Variants in KCNIP4 observed in about 807,000 individuals in gnomAD.
The protein encoded by KCNIP4 is Kv channel-interacting protein 4.
KCNIP4 carries 12 observed loss-of-function variants against 34.0 expected under a neutral mutation model. The observed-to-expected ratio is 0.35, with a 90% CI of 0.23 to 0.57. KCNIP4 has a LOEUF of 0.57. Among genes scored for constraint, KCNIP4 ranks in the 20% least tolerant of loss-of-function variants. The pLI, the probability that KCNIP4 is intolerant of heterozygous loss-of-function variation, is 0.83. For synonymous variants in KCNIP4, 124 were observed against 102.2 expected, an observed-to-expected ratio of 1.21 and a Z score of -1.29; for missense variants, 238 against 311.7, an observed-to-expected ratio of 0.76 and a Z score of 1.78.
intron 1 of KCNIP4, among the ~76,000 whole-genome samples, chr4:21,204,625 T>C (rs1756718019): frequency 6.6e-6 from 1 of 152,206 alleles, no homozygotes; most frequent in Non-Finnish European, 1.5e-5. Context: ...AAAAATAATT[T>C]AAATTCAACC....
At chr4:21,259,026 A>T (rs747000956) in intron 1 of KCNIP4, among the ~76,000 whole-genome samples, 1 of 152,150 alleles carries the variant, frequency 6.6e-6, no homozygotes, top group Non-Finnish European at 1.5e-5. Flanking sequence ...TGAAGGACTT[A>T]CTATTTTTCG....
chr4:21,347,973 C>A (rs1388581885), intron 1 of KCNIP4, among the ~76,000 whole-genome samples: 1 of 152,180 alleles, frequency 6.6e-6, no homozygotes, highest in African/African-American at 2.4e-5. Context: ...GTGATGTAGA[C>A]TTAGGAGTCA....
intron 1 of KCNIP4, among the ~76,000 whole-genome samples, chr4:21,086,759 T>C (rs1163119117): frequency 6.6e-6 from 1 of 152,172 alleles, no homozygotes; most frequent in Non-Finnish European, 1.5e-5. Flanking sequence ...TAAGCTCTTT[T>C]TTCGATTCCT....
rs77572430 is a variant in KCNIP4 at position 20,787,644 on chromosome 4, T to C, written c.289-28754A>G. On this transcript the variant is annotated intron_variant, in intron 3 of 8. Coordinates refer to ENST00000382152, the MANE Select transcript of KCNIP4 (RefSeq NM_025221.6). ...ATTAATTTGCTCCTCAAATTCTAAT[T>C]CTTATTCAATCAATAACCATTGTTC... is the stretch of plus-strand genomic sequence containing the variant. Among the ~76,000 whole-genome samples, 469 of 152,250 alleles carry C rather than the reference T, an allele frequency of 3.1e-3. 4 individuals carry two copies. Among genetic ancestry groups the C allele is most frequent in the African/African-American group, 0.011 (454 of 41,578 alleles).
chr4:21,387,041 G>C (rs2132274), intron 1 of KCNIP4, among the ~76,000 whole-genome samples: 81,280 of 151,992 alleles, frequency 0.53, 23,017 homozygotes, highest in Non-Finnish European at 0.62. Context: ...ACTGCATTTT[G>C]GAGGCAATGG....
chr4:21,593,195 G>A (rs1577658382), intron 1 of KCNIP4, among the ~76,000 whole-genome samples: 1 of 151,478 alleles, frequency 6.6e-6, no homozygotes, highest in East Asian at 1.9e-4. Flanking sequence ...TAGATACCAG[G>A]GCAAGGAGCA....
At chr4:21,247,073 G>C (rs1760260071) in intron 1 of KCNIP4, among the ~76,000 whole-genome samples, 2 of 152,104 alleles carry the variant, frequency 1.3e-5, no homozygotes, top group South Asian at 4.1e-4. Context: ...GCAAAGTTAA[G>C]ATTAAAATAG....
At chr4:21,713,209 T>C (rs1379745838) in intron 1 of KCNIP4, among the ~76,000 whole-genome samples, 1 of 152,204 alleles carries the variant, frequency 6.6e-6, no homozygotes, top group Non-Finnish European at 1.5e-5. Flanking sequence ...TTAAACACAT[T>C]GGAAATTCTT....
chr4:21,085,147 G>A (rs1297684608), intron 1 of KCNIP4, among the ~76,000 whole-genome samples: 3 of 152,050 alleles, frequency 2.0e-5, no homozygotes, highest in African/African-American at 7.2e-5. Flanking sequence ...TGGGATCTTT[G>A]GGAGGTAATT....
chr4:21,122,264 C>T (rs1414015777), intron 1 of KCNIP4, among the ~76,000 whole-genome samples: 1 of 149,910 alleles, frequency 6.7e-6, no homozygotes, highest in Non-Finnish European at 1.5e-5. Context: ...GGAATCATTT[C>T]TCAACCAAAA....
intron 1 of KCNIP4, among the ~76,000 whole-genome samples, chr4:21,396,823 A>G (rs77546087): frequency 6.6e-6 from 1 of 152,184 alleles, no homozygotes; most frequent in African/African-American, 2.4e-5. Flanking sequence ...AGAAGGCTAG[A>G]AAACAGATTC....
chr4:21,801,254 G>A (rs536541928), intron 1 of KCNIP4, among the ~76,000 whole-genome samples: 4 of 152,178 alleles, frequency 2.6e-5, no homozygotes, highest in Admixed American at 1.3e-4. Context: ...TGTTAAAATC[G>A]TCAAGGAATA....
At chr4:20,884,299 C>T (rs1180632150) in intron 1 of KCNIP4, among the ~76,000 whole-genome samples, 3 of 152,068 alleles carry the variant, frequency 2.0e-5, no homozygotes, top group Non-Finnish European at 4.4e-5. Flanking sequence ...CTGGTGGTTT[C>T]CTGCACCTAT....
intron 1 of KCNIP4, among the ~76,000 whole-genome samples, chr4:21,765,813 G>A (rs1000058254): frequency 3.6e-5 from 4 of 110,410 alleles, no homozygotes; most frequent in African/African-American, 1.8e-4. Flanking sequence ...CTTAGCACCA[G>A]GCCGTGAAAA....
intron 1 of KCNIP4, among the ~76,000 whole-genome samples, chr4:21,073,234 G>T (rs1745145787): frequency 6.6e-6 from 1 of 152,054 alleles, no homozygotes; most frequent in African/African-American, 2.4e-5. Flanking sequence ...AATTACCTTG[G>T]GCAGTATGGC....
intron 1 of KCNIP4, among the ~76,000 whole-genome samples, chr4:21,627,685 T>C (rs909202381): frequency 5.9e-5 from 9 of 152,098 alleles, no homozygotes; most frequent in Admixed American, 1.3e-4. Context: ...ATAAAAAGAA[T>C]TGTGGTTTCT....
chr4:21,261,520 A>T (rs1160877667), intron 1 of KCNIP4, among the ~76,000 whole-genome samples: 1 of 152,212 alleles, frequency 6.6e-6, no homozygotes, highest in Non-Finnish European at 1.5e-5. Context: ...CCTAGATTCA[A>T]CACAGCATTG....
At chr4:21,787,236 C>A (rs955449275) in intron 1 of KCNIP4, among the ~76,000 whole-genome samples, 1 of 152,276 alleles carries the variant, frequency 6.6e-6, no homozygotes, top group Admixed American at 6.5e-5. Flanking sequence ...GTTTAGGCTT[C>A]GATTCCATTC....
chr4:20,777,513 C>T (rs1480502068), intron 3 of KCNIP4, among the ~76,000 whole-genome samples: 5 of 152,118 alleles, frequency 3.3e-5, no homozygotes, highest in Non-Finnish European at 7.3e-5. Context: ...GTGCCTCCTC[C>T]GCCAAGCCCT....
Sources: gnomAD v4.1 joint callset for allele counts (sites outside exome capture counted in the v4.1 genomes callset) on GRCh38, gnomAD v4.1.1 for gene constraint, MANE v1.5 for transcripts, NCBI Gene and HGNC (gene_info 2026-07-23, HGNC 2026-07-21) for gene names.